The following GRID2 variants were observed in gnomAD, a reference collection of about 807,000 sequenced individuals.
The protein encoded by GRID2 is glutamate receptor ionotropic, delta-2.
GRID2 carries 33 observed loss-of-function variants against 114.8 expected under a neutral mutation model. The ratio of observed to expected loss-of-function variants is 0.29; its 90% CI spans 0.22 to 0.38. The LOEUF (loss-of-function observed/expected upper bound fraction) is 0.38, where lower values mean the gene tolerates loss of function less well. Among genes scored for constraint, GRID2 ranks in the 10% least tolerant of loss-of-function variants. GRID2 has a pLI of 1.00. For missense variants in GRID2, 1,184 were observed against 1,257.7 expected (o/e 0.94, Z 0.89); for synonymous variants, 505 against 449.9 (o/e 1.12, Z -1.55).
chr4:93,755,898 A>G (rs1486183631), intron 14 of GRID2, among the ~76,000 whole-genome samples: 1 of 152,208 alleles, frequency 6.6e-6, no homozygotes. Flanking sequence ...TTGTCTACAT[A>G]GTTAATCTTT....
chr4:92,771,700 A>C (rs985836317), intron 2 of GRID2, among the ~76,000 whole-genome samples: 5 of 152,174 alleles, frequency 3.3e-5, no homozygotes, highest in Non-Finnish European at 7.3e-5. Context: ...AAACAGAAAA[A>C]TATTTTCTAA....
intron 2 of GRID2, among the ~76,000 whole-genome samples, chr4:92,643,484 T>C (rs982551144): frequency 6.6e-6 from 1 of 151,726 alleles, no homozygotes; most frequent in African/African-American, 2.4e-5. Context: ...CTTTTGAAAG[T>C]TTTCAGAATA....
chr4:92,586,060 G>T (rs1377404909), intron 1 of GRID2, among the ~76,000 whole-genome samples: 4 of 151,594 alleles, frequency 2.6e-5, no homozygotes, highest in African/African-American at 9.7e-5. Flanking sequence ...TTTAATCAAT[G>T]ATTCTTGAGT....
chr4:92,395,267 A>G (rs1007435813), intron 1 of GRID2, among the ~76,000 whole-genome samples: 4 of 151,624 alleles, frequency 2.6e-5, no homozygotes, highest in African/African-American at 9.7e-5. Context: ...AGGTAGGGAT[A>G]TAGTATGATT....
intron 14 of GRID2, among the ~76,000 whole-genome samples, chr4:93,766,655 C>T (rs1052955179): frequency 3.3e-5 from 5 of 152,180 alleles, no homozygotes; most frequent in African/African-American, 9.7e-5. Flanking sequence ...CCTTTTATAT[C>T]TACAAGTACT....
At chr4:92,692,328 T>C (rs1164125606) in intron 2 of GRID2, among the ~76,000 whole-genome samples, 1 of 152,174 alleles carries the variant, frequency 6.6e-6, no homozygotes, top group Non-Finnish European at 1.5e-5. Context: ...TACTTTGTTA[T>C]CAAAAAATTA....
chr4:92,657,910 A>G (rs1313945528), intron 2 of GRID2, among the ~76,000 whole-genome samples: 1 of 150,976 alleles, frequency 6.6e-6, no homozygotes, highest in African/African-American at 2.4e-5. Flanking sequence ...GTAGATGTGT[A>G]TCTTTGTTCA....
At chr4:92,760,286 G>C (rs1737938867) in intron 2 of GRID2, among the ~76,000 whole-genome samples, 1 of 149,836 alleles carries the variant, frequency 6.7e-6, no homozygotes. Context: ...GAAGAAGTCA[G>C]TTAGTGTCAG....
At chr4:92,978,371 T>C (rs1753996499) in intron 2 of GRID2, among the ~76,000 whole-genome samples, 1 of 152,196 alleles carries the variant, frequency 6.6e-6, no homozygotes. Context: ...TAAGAACCTC[T>C]ATAAGAGGAA....
At chr4:93,784,158 C>CCTAATG (rs953538563) in intron 1 of GRID2, among the ~76,000 whole-genome samples, 2 of 151,098 alleles carry the variant, frequency 1.3e-5, no homozygotes, top group Non-Finnish European at 2.9e-5. Flanking sequence ...TTTTTCCAGC[C>CCTAATG]CTAATGCTAC....
At chr4:92,420,671 T>C (rs1282401790) in intron 1 of GRID2, among the ~76,000 whole-genome samples, 2 of 152,072 alleles carry the variant, frequency 1.3e-5, no homozygotes, top group Non-Finnish European at 2.9e-5. Flanking sequence ...TCACCCACAC[T>C]GAAATGTTTT....
At chr4:92,868,680 G>T (rs1745072006) in intron 2 of GRID2, among the ~76,000 whole-genome samples, 1 of 151,808 alleles carries the variant, frequency 6.6e-6, no homozygotes, top group African/African-American at 2.4e-5. Context: ...GTAGATGAAA[G>T]AGCAGAGGAA....
At chr4:93,774,842 T>A (rs186351433), downstream of GRID2, among the ~76,000 whole-genome samples, 1 of 152,080 alleles carries the variant, frequency 6.6e-6, no homozygotes, top group Non-Finnish European at 1.5e-5. Flanking sequence ...GGGAAAGATT[T>A]ATCCTGTTTC....
intron 2 of GRID2, among the ~76,000 whole-genome samples, chr4:92,828,556 T>C (rs1741889664): frequency 6.6e-6 from 1 of 152,124 alleles, no homozygotes; most frequent in Admixed American, 6.6e-5. Context: ...TTGGTTTATA[T>C]TGCTTTATAG....
chr4:93,320,212 A>C (rs565127872), intron 8 of GRID2, among the ~76,000 whole-genome samples: 4 of 152,116 alleles, frequency 2.6e-5, no homozygotes, highest in Non-Finnish European at 5.9e-5. Context: ...AGTGGAGGAT[A>C]AGGGGTGGAC....
intron 8 of GRID2, among the ~76,000 whole-genome samples, chr4:93,337,940 C>T (rs188880252): frequency 1.4e-3 from 210 of 152,278 alleles, no homozygotes; most frequent in Non-Finnish European, 2.8e-3. Context: ...TTTGCCTTCC[C>T]TAGTCCCTCT....
At chr4:92,586,097 C>T (rs1024861752) in intron 1 of GRID2, among the ~76,000 whole-genome samples, 19 of 151,484 alleles carry the variant, frequency 1.3e-4, no homozygotes, top group African/African-American at 4.6e-4. Context: ...CTCTTTTATA[C>T]ACAGTGTAAG....
At chr4:93,568,857 C>A (rs567731975) in intron 13 of GRID2, among the ~76,000 whole-genome samples, 4 of 152,124 alleles carry the variant, frequency 2.6e-5, no homozygotes, top group African/African-American at 9.7e-5. Flanking sequence ...TATGTATAAT[C>A]GTAGGGAACA....
At chr4:92,523,165 T>A (rs2149141727) in intron 1 of GRID2, among the ~76,000 whole-genome samples, 1 of 152,098 alleles carries the variant, frequency 6.6e-6, no homozygotes, top group East Asian at 1.9e-4. Flanking sequence ...ATGGCCATGA[T>A]TGTGAGTCCA....
Sources: allele counts gnomAD v4.1 joint callset (sites outside exome capture counted in the v4.1 genomes callset), GRCh38; gene constraint gnomAD v4.1.1; transcripts MANE v1.5; gene names NCBI Gene and HGNC (gene_info 2026-07-23, HGNC 2026-07-21).